The following SPEF2 variants were observed in gnomAD, a reference collection of about 807,000 sequenced individuals.
SPEF2 encodes sperm flagella and cilia-associated protein 2.
Under a neutral mutation model 224.6 loss-of-function variants are expected in SPEF2, and 187 were observed. That is an observed-to-expected ratio of 0.83 (90% CI 0.74 to 0.94). SPEF2 has a LOEUF of 0.94. Ranked by LOEUF, SPEF2 falls within the 40% of genes least tolerant of loss-of-function variation. The pLI, the probability that SPEF2 is intolerant of heterozygous loss-of-function variation, is 0.00. For missense variants in SPEF2, 2,170 were observed against 2,135.6 expected (o/e 1.02, Z -0.32); for synonymous variants, 715 against 707.3 (o/e 1.01, Z -0.17).
Position 35,773,924 on chromosome 5 carries a change from T to A in SPEF2, c.3981T>A (p.Pro1327=), listed in dbSNP as rs760327151. ...GKSPPMAEAT[P]VIVTTEEIAE... Reference sequence around the variant, plus strand: ...CACCACCTATGGCAGAAGCAACTCCTGTCATAGTAACAACAGAGGAAATTG... The same window carrying A: ...CACCACCTATGGCAGAAGCAACTCCAGTCATAGTAACAACAGAGGAAATTG... The change falls in exon 28 of 37, where the codon CCT becomes CCA. Residue 1327 remains proline (P), a synonymous_variant. Transcript: ENST00000356031. The A allele has an allele frequency of 6.2e-7, 1 of 1,613,188 alleles. No individual in the cohort carries two copies. Among genetic ancestry groups the A allele is most frequent in the Non-Finnish European group, 8.5e-7 (1 of 1,179,542 alleles).
chr5:35,655,450 G>T (rs938749164), intron 7 of SPEF2, among the ~76,000 whole-genome samples: 2 of 152,196 alleles, frequency 1.3e-5, no homozygotes, highest in African/African-American at 4.8e-5. Context: ...CTGTTTATAG[G>T]AGCATCTACA....
chr5:35,785,883 C>T (rs1180741111), intron 30 of SPEF2, among the ~76,000 whole-genome samples: 3 of 152,002 alleles, frequency 2.0e-5, no homozygotes, highest in East Asian at 3.9e-4. Context: ...TCAAAATCTG[C>T]GCAGCTGCTC....
chr5:35,712,918 G>C, intron 20 of SPEF2, 32 bp downstream of exon 20: 1 of 1,577,134 alleles, frequency 6.3e-7, no homozygotes, highest in Non-Finnish European at 8.7e-7. Flanking sequence ...ATAATTACAT[G>C]TAATTCTGCA....
chr5:35,661,254 T>TTATATATATATA (rs550178866), intron 8 of SPEF2, among the ~76,000 whole-genome samples: 200 of 93,924 alleles, frequency 2.1e-3, no homozygotes, highest in Non-Finnish European at 2.9e-3. Flanking sequence ...TTGGTATATA[T>TTATATATATATA]TATATATATA....
intron 36 of SPEF2, among the ~76,000 whole-genome samples, chr5:35,808,648 T>C (rs529502876): frequency 3.3e-5 from 5 of 151,648 alleles, no homozygotes; most frequent in African/African-American, 1.2e-4. Context: ...CCAGTGTATA[T>C]ATCATAGATG....
At chr5:35,647,222 A>G (rs1294044190) in intron 5 of SPEF2, among the ~76,000 whole-genome samples, 2 of 152,092 alleles carry the variant, frequency 1.3e-5, no homozygotes, top group African/African-American at 4.8e-5. Context: ...AGGTTGGAAG[A>G]TTCAAGACTG....
intron 30 of SPEF2, chr5:35,787,924 G>C (rs1231464953): frequency 1.6e-6 from 1 of 619,306 alleles, no homozygotes; most frequent in South Asian, 1.9e-5. Flanking sequence ...GGCCGCAGAA[G>C]CTTGACCATT....
Position 35,658,802 on chromosome 5 carries a change from T to C in SPEF2, c.979-217T>C, listed in dbSNP as rs116719850. On this transcript the variant is annotated intron_variant, in intron 7 of 36. Coordinates refer to ENST00000356031, the MANE Select transcript of SPEF2 (RefSeq NM_024867.4). Reference sequence around the variant, plus strand: ...TGAAGTAATAATTTGTTTAAAGTAATTGTGAGTTGCAAAGCCATAATGTTT... The same window carrying C: ...TGAAGTAATAATTTGTTTAAAGTAACTGTGAGTTGCAAAGCCATAATGTTT... Among the ~76,000 whole-genome samples, 331 of 152,318 alleles carry C rather than the reference T, an allele frequency of 2.2e-3. 1 individual carries two copies. The highest frequency in any genetic ancestry group is 7.6e-3 in the African/African-American group (317 of 41,576).
intron 23 of SPEF2, among the ~76,000 whole-genome samples, chr5:35,741,927 T>G (rs1485283258): frequency 6.6e-6 from 1 of 152,216 alleles, no homozygotes; most frequent in East Asian, 1.9e-4. Flanking sequence ...GATTTGGAAA[T>G]TTAAAATATC....
Position 35,691,007 on chromosome 5 carries a change from T to A in SPEF2, c.1525-30T>A, listed in dbSNP as rs760723518. The A allele has an allele frequency of 4.3e-5, 67 of 1,574,442 alleles. 1 individual carries two copies. In the South Asian group the frequency reaches 5.5e-4, roughly 13 times the overall value. On this transcript the variant is annotated intron_variant, in intron 10 of 36. Transcript: ENST00000356031. ...TACCTAAATTCCACTTTTCAGAATA[T>A]TTCTGTTTATTTGATCGTTATTTTT...
chr5:35,702,190 T>A (rs1738774892), intron 16 of SPEF2: 1 of 456,028 alleles, frequency 2.2e-6, no homozygotes, highest in African/African-American at 2.0e-5. Flanking sequence ...GCCTAGCCAC[T>A]AGGGTTGGGT....
At chr5:35,701,823 A>G (rs1738703486) in intron 16 of SPEF2, among the ~76,000 whole-genome samples, 1 of 152,166 alleles carries the variant, frequency 6.6e-6, no homozygotes, top group Non-Finnish European at 1.5e-5. Context: ...TACAAAAAAT[A>G]AAAATATTAG....
intron 26 of SPEF2, among the ~76,000 whole-genome samples, chr5:35,770,941 C>T (rs1752748956): frequency 6.6e-6 from 1 of 152,072 alleles, no homozygotes; most frequent in African/African-American, 2.4e-5. Context: ...GTCAACCTCA[C>T]AAATACTCAG....
intron 21 of SPEF2, among the ~76,000 whole-genome samples, chr5:35,737,969 G>C (rs1039175598): frequency 6.6e-6 from 1 of 152,188 alleles, no homozygotes; most frequent in Non-Finnish European, 1.5e-5. Flanking sequence ...GGCCAGTGAT[G>C]ATGAGCATTT....
At chr5:35,667,345 T>A in intron 9 of SPEF2, 86 bp downstream of exon 9, 2 of 1,153,454 alleles carry the variant, frequency 1.7e-6, no homozygotes, top group Non-Finnish European at 2.4e-6. Flanking sequence ...GGATGATAAG[T>A]AAAGAGAGAT....
At chr5:35,649,295 A>C in intron 5 of SPEF2, 66 bp from the exon 6 acceptor site, 1 of 1,291,892 alleles carries the variant, frequency 7.7e-7, no homozygotes, top group Non-Finnish European at 1.1e-6. Flanking sequence ...ACTTGAATGA[A>C]TGTGTAAATG....
intron 20 of SPEF2, among the ~76,000 whole-genome samples, chr5:35,717,473 A>G (rs7705347): frequency 0.74 from 112,761 of 152,088 alleles, 42,315 homozygotes; most frequent in Middle Eastern, 0.83. Context: ...TTTAGTATCA[A>G]TGTTATAAGC....
intron 23 of SPEF2, among the ~76,000 whole-genome samples, chr5:35,751,800 A>G (rs970485009): frequency 1.3e-5 from 2 of 152,206 alleles, no homozygotes; most frequent in Non-Finnish European, 2.9e-5. Flanking sequence ...GCTCTACCAC[A>G]TTGAAATTAT....
intron 18 of SPEF2, 43 bp from the exon 19 acceptor site, chr5:35,708,905 C>G (rs367798031): frequency 1.3e-6 from 2 of 1,521,244 alleles, no homozygotes; most frequent in Non-Finnish European, 1.8e-6. Flanking sequence ...TAGTAGATTT[C>G]TAGAGTCTCT....
Sources: allele counts gnomAD v4.1 joint callset (sites outside exome capture counted in the v4.1 genomes callset), GRCh38; gene constraint gnomAD v4.1.1; transcripts MANE v1.5; gene names NCBI Gene and HGNC (gene_info 2026-07-23, HGNC 2026-07-21).